KCNH7: variants seen among roughly 807,000 people sequenced by gnomAD.
KCNH7 encodes potassium voltage-gated channel subfamily H member 7, also known as voltage-gated inwardly rectifying potassium channel KCNH7.
Under a neutral mutation model 120.8 loss-of-function variants are expected in KCNH7, and 49 were observed. The ratio of observed to expected loss-of-function variants is 0.41; its 90% CI spans 0.32 to 0.51. The LOEUF (loss-of-function observed/expected upper bound fraction) is 0.51, where lower values mean the gene tolerates loss of function less well. Among genes scored for constraint, KCNH7 ranks in the 20% least tolerant of loss-of-function variants. KCNH7 has a pLI of 0.38. For synonymous variants in KCNH7, 547 were observed against 516.1 expected (o/e 1.06, Z -0.81); for missense variants, 1,097 against 1,446.6 (o/e 0.76, Z 3.92).
chr2:162,820,391 C>T (rs12613025), intron 2 of KCNH7, among the ~76,000 whole-genome samples: 81,498 of 151,458 alleles, frequency 0.54, 22,390 homozygotes, highest in South Asian at 0.72. Flanking sequence ...CATAAACTTT[C>T]ACTGAACAAA....
intron 2 of KCNH7, among the ~76,000 whole-genome samples, chr2:162,714,976 C>T (rs1004361911): frequency 6.6e-6 from 1 of 152,000 alleles, no homozygotes; most frequent in African/African-American, 2.4e-5. Flanking sequence ...AAATGTCATG[C>T]TAATAATGAG....
At chr2:162,665,553 C>G (rs1430411124) in intron 2 of KCNH7, among the ~76,000 whole-genome samples, 1 of 152,028 alleles carries the variant, frequency 6.6e-6, no homozygotes, top group Non-Finnish European at 1.5e-5. Context: ...AGTTCTTTTT[C>G]TAATACCTCT....
At chr2:162,688,458 C>A (rs1052483815) in intron 2 of KCNH7, among the ~76,000 whole-genome samples, 5 of 152,080 alleles carry the variant, frequency 3.3e-5, no homozygotes, top group African/African-American at 1.2e-4. Context: ...ATTCCATAGC[C>A]TCAACAAATA....
intron 2 of KCNH7, among the ~76,000 whole-genome samples, chr2:162,575,746 A>T (rs1419432427): frequency 1.3e-5 from 2 of 152,118 alleles, no homozygotes; most frequent in African/African-American, 4.8e-5. Flanking sequence ...AAACAACAGC[A>T]TCTATTTGTG....
intron 2 of KCNH7, among the ~76,000 whole-genome samples, chr2:162,717,011 T>G (rs1687145435): frequency 6.6e-6 from 1 of 152,092 alleles, no homozygotes; most frequent in Admixed American, 6.6e-5. Context: ...AGTGTTGCTT[T>G]AAAGAAAGGC....
chr2:162,645,892 A>G (rs1396183937), intron 2 of KCNH7, among the ~76,000 whole-genome samples: 1 of 152,046 alleles, frequency 6.6e-6, no homozygotes, highest in Non-Finnish European at 1.5e-5. Context: ...TGAACTTCTC[A>G]TGTAACACAT....
Position 162,435,368 on chromosome 2 carries a change from A to G in KCNH7, c.1784T>C (p.Ile595Thr), listed in dbSNP as rs753557234. Residue 595 changes from isoleucine to threonine, a missense_variant, in exon 8 of 16, where the codon ATT (isoleucine) becomes ACT (threonine). By Grantham distance (89) the Ile-to-Thr change is moderately conservative. Around this residue, in one of 8 missense-constraint regions of KCNH7, gnomAD observed 36 missense variants for 46.8 expected, o/e 0.77. Coordinates refer to ENST00000332142, the MANE Select transcript of KCNH7 (RefSeq NM_033272.4). ...IGWLDSLGQQ[I>T]GKRYNDSDSS... ...GTCACTGTCATTGTAACGTTTCCCAATTTGCTGTCCTAAGGAATCCAACCA... is the reference window on the plus strand; with the variant it reads ...GTCACTGTCATTGTAACGTTTCCCAGTTTGCTGTCCTAAGGAATCCAACCA... 3 of 1,613,850 alleles carry G rather than the reference A, an allele frequency of 1.9e-6. No individual in the cohort carries two copies. The highest frequency in any genetic ancestry group is 1.1e-5 in the South Asian group (1 of 91,082).
At chr2:162,710,055 A>G (rs1686867250) in intron 2 of KCNH7, among the ~76,000 whole-genome samples, 1 of 152,190 alleles carries the variant, frequency 6.6e-6, no homozygotes, top group Admixed American at 6.6e-5. Flanking sequence ...AGTGGAAGTA[A>G]ATTAGTTTTC....
chr2:162,653,889 G>A (rs1254801053), intron 2 of KCNH7, among the ~76,000 whole-genome samples: 1 of 152,142 alleles, frequency 6.6e-6, no homozygotes, highest in Admixed American at 6.5e-5. Context: ...AACATACAAT[G>A]AAGAAAGAAC....
intron 9 of KCNH7, among the ~76,000 whole-genome samples, chr2:162,411,476 G>T (rs537399354): frequency 1.3e-5 from 2 of 152,064 alleles, no homozygotes; most frequent in South Asian, 2.1e-4. Flanking sequence ...GGGTGAAAAG[G>T]AAGAGTGGTA....
chr2:162,558,574 A>G (rs1692945062), intron 2 of KCNH7, among the ~76,000 whole-genome samples: 1 of 137,472 alleles, frequency 7.3e-6, no homozygotes, highest in African/African-American at 2.8e-5. Flanking sequence ...AACCTGCAGT[A>G]TGTAGGAATG....
At chr2:162,379,020 G>A (rs780840618) in intron 14 of KCNH7, among the ~76,000 whole-genome samples, 2 of 152,210 alleles carry the variant, frequency 1.3e-5, no homozygotes, top group Non-Finnish European at 2.9e-5. Context: ...GCTTGTGCGT[G>A]TTCGAAATGT....
chr2:162,692,256 G>A (rs1420438613), intron 2 of KCNH7, among the ~76,000 whole-genome samples: 1 of 151,724 alleles, frequency 6.6e-6, no homozygotes, highest in East Asian at 1.9e-4. Context: ...CTCCCAAGTA[G>A]CTAGGACAAT....
At chr2:162,526,138 G>T (rs890683804) in intron 3 of KCNH7, among the ~76,000 whole-genome samples, 1 of 151,844 alleles carries the variant, frequency 6.6e-6, no homozygotes, top group African/African-American at 2.4e-5. Flanking sequence ...CCCCTGAGCT[G>T]TAAAACCAGC....
At chr2:162,819,759 A>T (rs2105588717) in intron 2 of KCNH7, among the ~76,000 whole-genome samples, 1 of 152,328 alleles carries the variant, frequency 6.6e-6, no homozygotes, top group East Asian at 1.9e-4. Flanking sequence ...GTGAACAAGA[A>T]TAAATGGCTC....
intron 2 of KCNH7, among the ~76,000 whole-genome samples, chr2:162,640,503 A>C (rs1684116076): frequency 6.6e-6 from 1 of 151,754 alleles, no homozygotes; most frequent in Non-Finnish European, 1.5e-5. Context: ...ATATACATTA[A>C]AAAAAAATGA....
At chr2:162,812,660 T>C (rs1030191668) in intron 2 of KCNH7, among the ~76,000 whole-genome samples, 5 of 152,002 alleles carry the variant, frequency 3.3e-5, no homozygotes, top group South Asian at 2.1e-4. Context: ...CTTTAGACAT[T>C]AGGATATAAA....
intron 2 of KCNH7, among the ~76,000 whole-genome samples, chr2:162,614,096 C>T (rs1318039651): frequency 1.3e-5 from 2 of 151,990 alleles, no homozygotes; most frequent in Non-Finnish European, 2.9e-5. Context: ...TTAACTTGTA[C>T]ATACCTGTGA....
At chr2:162,672,266 T>A (rs942442243) in intron 2 of KCNH7, among the ~76,000 whole-genome samples, 1 of 152,060 alleles carries the variant, frequency 6.6e-6, no homozygotes, top group Admixed American at 6.6e-5. Context: ...AGGCATAAAG[T>A]AACTTTTAGC....
Sources: gnomAD v4.1 joint callset for allele counts (sites outside exome capture counted in the v4.1 genomes callset) on GRCh38, gnomAD v4.1.1 for gene constraint, gnomAD v4.1.1 regional missense constraint, MANE v1.5 for transcripts, NCBI Gene and HGNC (gene_info 2026-07-23, HGNC 2026-07-21) for gene names.